Variants in PAX7 observed in about 807,000 individuals in gnomAD.
The protein encoded by PAX7 is paired box protein Pax-7.
A neutral mutation model predicts 50.7 loss-of-function variants in PAX7; 18 were observed. The observed-to-expected ratio is 0.36, with a 90% CI of 0.25 to 0.53. PAX7 has a LOEUF of 0.53. PAX7 is among the 20% of genes least tolerant of loss of function. PAX7 has a pLI of 0.93. For missense variants in PAX7, 644 were observed against 702.9 expected, an observed-to-expected ratio of 0.92 and a Z score of 0.95; for synonymous variants, 310 against 290.4, an observed-to-expected ratio of 1.07 and a Z score of -0.69.
chr1:18,655,451 G>A (rs2088499278), intron 4 of PAX7, among the ~76,000 whole-genome samples: 1 of 152,214 alleles, frequency 6.6e-6, no homozygotes, highest in South Asian at 2.1e-4. Flanking sequence ...CAGGGAGGGG[G>A]CTGCAGGATG....
At chr1:18,647,861 A>C (rs2088370057) in intron 4 of PAX7, among the ~76,000 whole-genome samples, 1 of 152,198 alleles carries the variant, frequency 6.6e-6, no homozygotes, top group South Asian at 2.1e-4. Flanking sequence ...GCAGATGCTC[A>C]GCCAAGTGCA....
intron 7 of PAX7, among the ~76,000 whole-genome samples, chr1:18,706,330 T>C (rs998804985): frequency 1.3e-5 from 2 of 152,260 alleles, no homozygotes; most frequent in Admixed American, 6.5e-5. Context: ...CAGGTTAAGC[T>C]TCCCCGCTGG....
At chr1:18,656,036 A>G (rs1245723501) in intron 4 of PAX7, among the ~76,000 whole-genome samples, 1 of 152,144 alleles carries the variant, frequency 6.6e-6, no homozygotes, top group African/African-American at 2.4e-5. Flanking sequence ...TTGCCAGTGT[A>G]TCAGTTTAAC....
intron 7 of PAX7, among the ~76,000 whole-genome samples, chr1:18,706,478 T>G (rs1473694318): frequency 5.1e-4 from 76 of 148,782 alleles, no homozygotes; most frequent in Non-Finnish European, 9.7e-4. Flanking sequence ...TTTTTTTTTT[T>G]TGAGACAGAG....
chr1:18,635,157 G>A lies in PAX7; in HGVS notation c.368G>A (p.Arg123Lys). Residue 123 changes from arginine to lysine, a missense_variant, in exon 3 of 9, where the codon AGG becomes AAG. Arg to Lys is a conservative substitution (Grantham distance 26). Transcript: ENST00000420770. ...GAGAAAAAGATTGAGGAGTACAAGA[G>A]GGAAAACCCAGGCATGTTCAGCTGG... ...DVEKKIEEYK[R>K]ENPGMFSWEI... The A allele has an allele frequency of 6.2e-7, 1 of 1,614,072 alleles. No homozygotes were observed. Among genetic ancestry groups the A allele is most frequent in the Non-Finnish European group, 8.5e-7 (1 of 1,179,982 alleles).
intron 7 of PAX7, among the ~76,000 whole-genome samples, chr1:18,707,230 G>A (rs1156449858): frequency 6.6e-6 from 1 of 152,008 alleles, no homozygotes; most frequent in East Asian, 1.9e-4. Context: ...ATTTTAAAAG[G>A]CATACAGTAT....
intron 4 of PAX7, among the ~76,000 whole-genome samples, chr1:18,646,860 A>AC (rs2088348248): frequency 6.7e-6 from 1 of 149,996 alleles, no homozygotes; most frequent in Non-Finnish European, 1.5e-5. Flanking sequence ...TATCCCGAGA[A>AC]GAAAACCGGG....
intron 4 of PAX7, among the ~76,000 whole-genome samples, chr1:18,680,137 G>A (rs564135553): frequency 5.9e-5 from 9 of 152,166 alleles, no homozygotes; most frequent in Non-Finnish European, 1.0e-4. Flanking sequence ...TTAGTGGGGG[G>A]CTGGGACAGT....
intron 7 of PAX7, among the ~76,000 whole-genome samples, chr1:18,727,350 C>CCCCT (rs2089585766): frequency 7.4e-6 from 1 of 135,452 alleles, no homozygotes; most frequent in Non-Finnish European, 1.6e-5. Context: ...ACTCTCTCAT[C>CCCCT]CTCTCTCTCT....
intron 4 of PAX7, among the ~76,000 whole-genome samples, chr1:18,664,352 T>C (rs1166400476): frequency 1.3e-5 from 2 of 152,196 alleles, no homozygotes; most frequent in African/African-American, 2.4e-5. Flanking sequence ...TCTGAGTTTT[T>C]CCTTCCCAAC....
intron 4 of PAX7, among the ~76,000 whole-genome samples, chr1:18,682,143 C>T (rs1292161996): frequency 1.3e-5 from 2 of 152,170 alleles, no homozygotes; most frequent in Non-Finnish European, 2.9e-5. Flanking sequence ...CTCTGGCTTT[C>T]CTAAAGACAC....
At chr1:18,640,849 G>A (rs529209099) in intron 4 of PAX7, among the ~76,000 whole-genome samples, 2 of 151,768 alleles carry the variant, frequency 1.3e-5, no homozygotes, top group East Asian at 4.0e-4. Flanking sequence ...CCGGGGGCTG[G>A]GGGGGATGGG....
chr1:18,652,462 A>G (rs991761680), intron 4 of PAX7, among the ~76,000 whole-genome samples: 8 of 152,240 alleles, frequency 5.3e-5, no homozygotes, highest in African/African-American at 1.9e-4. Context: ...CTTGACAAAT[A>G]TAAAGCAGAA....
chr1:18,635,223 G>A lies in PAX7; in HGVS notation c.434G>A (p.Arg145Gln), dbSNP rs755821765. Residue 145 changes from arginine (R) to glutamine (Q), a missense_variant, in exon 3 of 9, where the codon CGA (arginine) becomes CAA (glutamine). Coordinates refer to ENST00000420770, the MANE Select transcript of PAX7 (RefSeq NM_001135254.2). ...DRLLKDGHCD[R>Q]STVPSGLVSS... ...CTGCTGAAGGATGGGCACTGTGACC[G>A]AAGCACTGTGCCCTCAGGTGAGAAG... is the stretch of plus-strand genomic sequence containing the variant. 40 of 1,613,540 alleles carry A rather than the reference G, an allele frequency of 2.5e-5. No homozygotes were observed. Among genetic ancestry groups the A allele is most frequent in the South Asian group, 7.7e-5 (7 of 91,046 alleles).
intron 4 of PAX7, among the ~76,000 whole-genome samples, chr1:18,640,734 G>C (rs980072542): frequency 1.3e-5 from 2 of 152,060 alleles, no homozygotes; most frequent in African/African-American, 4.8e-5. Flanking sequence ...CTCGGAGGAA[G>C]ATGGGAGGGT....
intron 4 of PAX7, among the ~76,000 whole-genome samples, chr1:18,687,151 A>C (rs524568): frequency 0.86 from 130,013 of 151,992 alleles, 55,792 homozygotes; most frequent in Non-Finnish European, 0.89. Flanking sequence ...TCAGCCTCCC[A>C]AAGTGCTGGG....
intron 7 of PAX7, among the ~76,000 whole-genome samples, chr1:18,711,769 T>A (rs1253583768): frequency 6.6e-6 from 1 of 152,104 alleles, no homozygotes; most frequent in Non-Finnish European, 1.5e-5. Context: ...CTGTTTCTCT[T>A]TCTCTTCATG....
chr1:18,682,334 C>T (rs1424594366), intron 4 of PAX7, among the ~76,000 whole-genome samples: 1 of 152,146 alleles, frequency 6.6e-6, no homozygotes, highest in Non-Finnish European at 1.5e-5. Context: ...GGCCATGGAG[C>T]CTGAGGCCTA....
At position 18,746,531 on chromosome 1, in the gene PAX7, T is replaced by A; in HGVS notation, c.*1602T>A. On this transcript the variant is annotated 3_prime_UTR_variant, in exon 9 of 9. Coordinates refer to ENST00000420770, the MANE Select transcript of PAX7 (RefSeq NM_001135254.2). ...CACTGTAATCTACATTCCATCACCTTTATCAGGTGCTGCTGAGTACAAAGC... is the reference window on the plus strand; with the variant it reads ...CACTGTAATCTACATTCCATCACCTATATCAGGTGCTGCTGAGTACAAAGC... The A allele has an allele frequency of 4.3e-6, 1 of 231,192 alleles. No homozygotes were observed. The highest frequency in any genetic ancestry group is 8.6e-6 in the Non-Finnish European group (1 of 116,752). 14.3% of individuals were successfully genotyped at this position (231,192 alleles called of 1,614,324 possible). A position where few individuals can be genotyped will look rare whatever the true frequency, so the allele number is the denominator to read the frequency against.
Sources: gnomAD v4.1 joint callset for allele counts (sites outside exome capture counted in the v4.1 genomes callset) on GRCh38, gnomAD v4.1.1 for gene constraint, MANE v1.5 for transcripts, NCBI Gene and HGNC (gene_info 2026-07-23, HGNC 2026-07-21) for gene names.